ZNF716: variants seen among roughly 807,000 people sequenced by gnomAD.
ZNF716 encodes the protein zinc finger protein 716.
In ZNF716, 9 loss-of-function variants were observed where a neutral mutation model predicts 13.4. That is an observed-to-expected ratio of 0.67 (90% CI 0.41 to 1.18). The LOEUF (loss-of-function observed/expected upper bound fraction) is 1.18, where lower values mean the gene tolerates loss of function less well. Ranked by LOEUF, ZNF716 falls within the 50% of genes most tolerant of loss-of-function variation. The pLI, the probability that ZNF716 is intolerant of heterozygous loss-of-function variation, is 0.01. For synonymous variants in ZNF716, 186 were observed against 195.2 expected (o/e 0.95, Z 0.39); for missense variants, 581 against 576.6 (o/e 1.01, Z -0.08).
rs782736772 is a variant in ZNF716, at chr7:57,450,338, G to T, written c.39+11G>T. On this transcript the variant is annotated intron_variant, in intron 1 of 3. Coordinates refer to ENST00000420713, the MANE Select transcript of ZNF716 (RefSeq NM_001159279.1). ...GGAAGCCGAGAAATGGTGAGTGCTGGGTCTGTCACCGTGAGAGAGGGGTGG... is the reference window on the plus strand; with the variant it reads ...GGAAGCCGAGAAATGGTGAGTGCTGTGTCTGTCACCGTGAGAGAGGGGTGG... 8.1e-5 allele frequency: 130 copies of T among 1,613,332 alleles called. No homozygotes were observed. The highest frequency in any genetic ancestry group is 1.0e-4 in the Non-Finnish European group (122 of 1,179,952).
chr7:57,458,410 T>C (rs1213381353), intron 1 of ZNF716, among the ~76,000 whole-genome samples: 1 of 152,102 alleles, frequency 6.6e-6, no homozygotes, highest in Non-Finnish European at 1.5e-5. Context: ...TTGTTGAACT[T>C]TTTTTTTCTT....
Position 57,470,778 on chromosome 7 carries a change from A to G in ZNF716, c.*829A>G, listed in dbSNP as rs2116429025. 6.6e-6 allele frequency: 1 copy of G among 152,032 alleles called. No homozygotes were observed. Among genetic ancestry groups the G allele is most frequent in the East Asian group, 1.9e-4 (1 of 5,168 alleles). The allele number at this position is 152,032 out of a possible 1,614,324, so 9.4% of individuals were successfully genotyped here. On this transcript the variant is annotated 3_prime_UTR_variant, in exon 4 of 4. Coordinates refer to ENST00000420713, the MANE Select transcript of ZNF716 (RefSeq NM_001159279.1). Reference sequence around the variant, plus strand: ...GTTCTCCATCTTTATTAATTAAAATATTTTATACTGGAGAGAAACTCTACA... The same window carrying G: ...GTTCTCCATCTTTATTAATTAAAATGTTTTATACTGGAGAGAAACTCTACA...
chr7:57,465,454 G>T (rs782504221), intron 3 of ZNF716, among the ~76,000 whole-genome samples: 2 of 151,998 alleles, frequency 1.3e-5, no homozygotes, highest in African/African-American at 4.8e-5. Flanking sequence ...TTGTACTCAA[G>T]TAATCATTCC....
chr7:57,469,950 T>C lies in ZNF716; in HGVS notation c.*1T>C. 2 of 1,545,876 alleles carry C rather than the reference T, an allele frequency of 1.3e-6. No individual in the cohort carries two copies. The highest frequency in any genetic ancestry group is 1.7e-6 in the Non-Finnish European group (2 of 1,146,054). ...AGAGAAACCCTACAAATATGAATAATGTGGTAAAGTCCAGCCCTCAGGCCT... is the reference window on the plus strand; with the variant it reads ...AGAGAAACCCTACAAATATGAATAACGTGGTAAAGTCCAGCCCTCAGGCCT... On this transcript the variant is annotated 3_prime_UTR_variant, in exon 4 of 4. Coordinates refer to ENST00000420713, the MANE Select transcript of ZNF716 (RefSeq NM_001159279.1).
intron 3 of ZNF716, among the ~76,000 whole-genome samples, chr7:57,464,924 A>G (rs1789778585): frequency 6.6e-6 from 1 of 152,056 alleles, no homozygotes; most frequent in South Asian, 2.1e-4. Flanking sequence ...ATTTTGTTCT[A>G]TCATGTCTTT....
At chr7:57,468,621 C>A (rs1789855098) in intron 3 of ZNF716, 103 bp from the exon 4 acceptor site, 2 of 1,178,002 alleles carry the variant, frequency 1.7e-6, no homozygotes, top group African/African-American at 1.6e-5. Flanking sequence ...TTTTGATATG[C>A]CATTTTGCTA....
chr7:57,467,727 C>A (rs772481289), intron 3 of ZNF716, among the ~76,000 whole-genome samples: 2 of 151,818 alleles, frequency 1.3e-5, no homozygotes, highest in Non-Finnish European at 2.9e-5. Flanking sequence ...TGTTTAGCTT[C>A]TTCATTAAAT....
rs1466883234 is a variant in ZNF716, at chr7:57,469,691, T to G, written c.1230T>G (p.Cys410Trp). The G allele has an allele frequency of 3.7e-6, 6 of 1,611,484 alleles. No homozygotes were observed. In the African/African-American group the frequency reaches 8.0e-5, roughly 22 times the overall value. The change falls in exon 4 of 4, where the codon TGT (cysteine) becomes TGG (tryptophan). Residue 410 changes from cysteine (C) to tryptophan (W), a missense_variant. By Grantham distance (215) the Cys-to-Trp change is radical (BLOSUM62 -2). Transcript: ENST00000420713. ...RTHTGEKPYK[C>W]EECGKAFNCS... Reference sequence around the variant, plus strand: ...ATACTGGAGAGAAACCCTACAAATGTGAAGAATGTGGCAAAGCCTTTAACT... The same window carrying G: ...ATACTGGAGAGAAACCCTACAAATGGGAAGAATGTGGCAAAGCCTTTAACT...
rs781885013 is a variant in ZNF716, at chr7:57,469,541, C to T, written c.1080C>T (p.Ala360=). ...KLYTCEECGK[A]FTFSSTLNTH... ...ACACATGTGAAGAATGTGGGAAAGC[C>T]TTTACCTTCTCCTCAACTCTAAATA... is the stretch of plus-strand genomic sequence containing the variant. The change falls in exon 4 of 4, where the codon GCC becomes GCT. Residue 360 remains alanine (A), a synonymous_variant. Coordinates refer to ENST00000420713, the MANE Select transcript of ZNF716 (RefSeq NM_001159279.1). 5 of 1,610,306 alleles carry T rather than the reference C, an allele frequency of 3.1e-6. No individual in the cohort carries two copies. Among genetic ancestry groups the T allele is most frequent in the Non-Finnish European group, 4.2e-6 (5 of 1,178,270 alleles).
chr7:57,456,299 G>A (rs556152151), intron 1 of ZNF716, among the ~76,000 whole-genome samples: 26 of 152,242 alleles, frequency 1.7e-4, no homozygotes, highest in Non-Finnish European at 3.4e-4. Context: ...TAAGTACAGG[G>A]TTTAGCTCAA....
intron 1 of ZNF716, among the ~76,000 whole-genome samples, chr7:57,457,136 C>T (rs1789607312): frequency 6.6e-6 from 1 of 152,174 alleles, no homozygotes. Flanking sequence ...CTACAAGTTT[C>T]CTGGCATATC....
intron 1 of ZNF716, among the ~76,000 whole-genome samples, chr7:57,458,639 C>T (rs1289420068): frequency 6.6e-6 from 1 of 151,982 alleles, no homozygotes; most frequent in African/African-American, 2.4e-5. Flanking sequence ...GCCAGGCTGG[C>T]CTGGAACTCC....
At chr7:57,465,942 CA>C (rs1789802755) in intron 3 of ZNF716, among the ~76,000 whole-genome samples, 2 of 150,940 alleles carry the variant, frequency 1.3e-5, no homozygotes, top group African/African-American at 2.4e-5. Flanking sequence ...AACAAAAAAC[CA>C]AAAACACCAC....
rs1789940778 is a variant in ZNF716, at chr7:57,471,662, A to G, written c.*1713A>G. ...GGAGAGAAAGTGTAAATGAATGTCA[A>G]AAAATATTTGTTCAAAAACTACAGT... is the stretch of plus-strand genomic sequence containing the variant. On this transcript the variant is annotated 3_prime_UTR_variant, in exon 4 of 4. Coordinates refer to ENST00000420713, the MANE Select transcript of ZNF716 (RefSeq NM_001159279.1). The G allele has an allele frequency of 6.6e-6, 1 of 152,214 alleles. No homozygotes were observed. The highest frequency in any genetic ancestry group is 6.5e-5 in the Admixed American group (1 of 15,284). 9.4% of individuals were successfully genotyped at this position (152,214 alleles called of 1,614,324 possible).
intron 3 of ZNF716, among the ~76,000 whole-genome samples, chr7:57,463,582 T>A (rs564941105): frequency 6.6e-6 from 1 of 152,178 alleles, no homozygotes; most frequent in Non-Finnish European, 1.5e-5. Flanking sequence ...TTGGAGGTTG[T>A]CCATTTTTCT....
Position 57,472,068 on chromosome 7 carries a change from T to C in ZNF716, c.*2119T>C, listed in dbSNP as rs1789952426. The C allele has an allele frequency of 6.6e-6, 1 of 152,196 alleles. No homozygotes were observed. Among genetic ancestry groups the C allele is most frequent in the African/African-American group, 2.4e-5 (1 of 41,434 alleles). The allele number at this position is 152,196 out of a possible 1,614,324, so 9.4% of individuals were successfully genotyped here. A position where few individuals can be genotyped will look rare whatever the true frequency, so the allele number is the denominator to read the frequency against. On this transcript the variant is annotated 3_prime_UTR_variant, in exon 4 of 4. Transcript: ENST00000420713. ...TGGACCAATTGTTGAATCAGAGATA[T>C]GAGATTGTTTTTTATAGGTGTCCAT... is the stretch of plus-strand genomic sequence containing the variant.
At chr7:57,455,246 C>G (rs1228310054) in intron 1 of ZNF716, among the ~76,000 whole-genome samples, 2 of 152,048 alleles carry the variant, frequency 1.3e-5, no homozygotes, top group Non-Finnish European at 1.5e-5. Flanking sequence ...TAAGGAGAGA[C>G]AGAAAATGGG....
intron 1 of ZNF716, among the ~76,000 whole-genome samples, chr7:57,456,613 T>TAAAGAAAAAA (rs1188850586): frequency 1.3e-5 from 2 of 151,982 alleles, no homozygotes; most frequent in African/African-American, 4.8e-5. Flanking sequence ...CGGGTGCCTG[T>TAAAGAAAAAA]AATCCCAACT....
At chr7:57,454,486 G>C (rs1427917059) in intron 1 of ZNF716, among the ~76,000 whole-genome samples, 2 of 152,148 alleles carry the variant, frequency 1.3e-5, no homozygotes, top group Non-Finnish European at 2.9e-5. Context: ...ATTATTGAAG[G>C]CCTAGTCAGT....
Sources: allele counts gnomAD v4.1 joint callset (sites outside exome capture counted in the v4.1 genomes callset), GRCh38; gene constraint gnomAD v4.1.1; transcripts MANE v1.5; gene names NCBI Gene and HGNC (gene_info 2026-07-23, HGNC 2026-07-21).